NR3C2: variants seen among roughly 807,000 people sequenced by gnomAD.
NR3C2 encodes the protein nuclear receptor subfamily 3 group C member 2.
In NR3C2, 15 loss-of-function variants were observed where a neutral mutation model predicts 86.4. The ratio of observed to expected loss-of-function variants is 0.17; its 90% CI spans 0.12 to 0.27. The LOEUF (loss-of-function observed/expected upper bound fraction) is 0.27. Among genes scored for constraint, NR3C2 ranks in the 10% least tolerant of loss-of-function variants. The pLI is 1.00. For synonymous variants in NR3C2, 458 were observed against 450.5 expected (o/e 1.02, Z -0.21); for missense variants, 960 against 1,195.6 (o/e 0.80, Z 2.91).
chr4:148,371,220 T>G (rs755009614), intron 2 of NR3C2, among the ~76,000 whole-genome samples: 1 of 152,226 alleles, frequency 6.6e-6, no homozygotes, highest in Non-Finnish European at 1.5e-5. Flanking sequence ...TATTTTAATA[T>G]GTACAACTAT....
chr4:148,136,070 A>C (rs367874508), intron 6 of NR3C2, among the ~76,000 whole-genome samples: 37,724 of 133,270 alleles, frequency 0.28, 6,449 homozygotes, highest in East Asian at 0.62. Flanking sequence ...AAAAAAAAAA[A>C]AAAAAACAAA....
At chr4:148,315,903 G>C (rs1177757439) in intron 2 of NR3C2, among the ~76,000 whole-genome samples, 1 of 152,108 alleles carries the variant, frequency 6.6e-6, no homozygotes, top group Non-Finnish European at 1.5e-5. Flanking sequence ...ACAGTTTTGT[G>C]ATATATACTT....
intron 8 of NR3C2, among the ~76,000 whole-genome samples, chr4:148,088,057 AAG>A (rs1405729908): frequency 6.6e-6 from 1 of 152,264 alleles, no homozygotes; most frequent in Non-Finnish European, 1.5e-5. Context: ...AAAGGATATG[AAG>A]AGACTCTTCT....
intron 8 of NR3C2, among the ~76,000 whole-genome samples, chr4:148,093,149 C>T (rs1731133072): frequency 6.6e-6 from 1 of 152,240 alleles, no homozygotes; most frequent in Admixed American, 6.5e-5. Flanking sequence ...TGGGCCACAG[C>T]TGTCAGGGTG....
intron 6 of NR3C2, among the ~76,000 whole-genome samples, chr4:148,141,282 A>C (rs1465893730): frequency 1.3e-5 from 2 of 152,106 alleles, no homozygotes; most frequent in Non-Finnish European, 2.9e-5. Context: ...AAAATACAAA[A>C]AATTAGCTGG....
intron 2 of NR3C2, among the ~76,000 whole-genome samples, chr4:148,272,526 C>T (rs1019429512): frequency 2.0e-5 from 3 of 152,100 alleles, no homozygotes; most frequent in Admixed American, 6.5e-5. Flanking sequence ...CTAGTCTTTT[C>T]TTGCCTTCAG....
chr4:148,259,110 G>T (rs146430414), intron 3 of NR3C2, among the ~76,000 whole-genome samples: 2 of 152,312 alleles, frequency 1.3e-5, no homozygotes, highest in East Asian at 3.9e-4. Flanking sequence ...AGCCACTTAT[G>T]TTTAAGCTTC....
rs373334677 is a variant in NR3C2, at chr4:148,268,182, A to C, written c.1758-8065T>G. Among the ~76,000 whole-genome samples the C allele has an allele frequency of 4.6e-5, 7 of 152,092 alleles. No individual in the cohort carries two copies. In the South Asian group the frequency reaches 1.5e-3, roughly 32 times the overall value. ...TCTTGAACTCCTGACCTTGTGATCC[A>C]CCTGCCTTGGCCTCCCAAAGTGCTA... On this transcript the variant is annotated intron_variant, in intron 2 of 8. Coordinates refer to ENST00000358102, the MANE Select transcript of NR3C2 (RefSeq NM_000901.5).
intron 2 of NR3C2, among the ~76,000 whole-genome samples, chr4:148,385,599 T>C (rs927138655): frequency 6.6e-6 from 1 of 152,012 alleles, no homozygotes; most frequent in Non-Finnish European, 1.5e-5. Context: ...CTCCTTAGAA[T>C]GAAATACTAA....
chr4:148,338,821 T>A (rs1451253958), intron 2 of NR3C2, among the ~76,000 whole-genome samples: 9 of 152,182 alleles, frequency 5.9e-5, no homozygotes, highest in Admixed American at 5.9e-4. Context: ...GGAATTAATT[T>A]AATTAACAAT....
intron 6 of NR3C2, among the ~76,000 whole-genome samples, chr4:148,140,530 C>A (rs922546432): frequency 2.6e-5 from 4 of 151,456 alleles, no homozygotes; most frequent in African/African-American, 9.7e-5. Context: ...CACATCTCTA[C>A]AAAAGTTAAA....
intron 2 of NR3C2, among the ~76,000 whole-genome samples, chr4:148,395,456 C>G (rs976619097): frequency 1.3e-5 from 2 of 152,188 alleles, no homozygotes; most frequent in Admixed American, 6.5e-5. Flanking sequence ...ATAGTTACAA[C>G]TGTACCACAA....
chr4:148,379,895 T>A (rs1453267151), intron 2 of NR3C2, among the ~76,000 whole-genome samples: 2 of 151,968 alleles, frequency 1.3e-5, no homozygotes, highest in Admixed American at 1.3e-4. Context: ...TAATCCTCTA[T>A]CCCCACCTAA....
intron 2 of NR3C2, among the ~76,000 whole-genome samples, chr4:148,355,902 T>C (rs1745529394): frequency 6.6e-6 from 1 of 152,152 alleles, no homozygotes; most frequent in Admixed American, 6.5e-5. Flanking sequence ...TTACTTAACC[T>C]TTCTGGGCCT....
At position 148,155,669 on chromosome 4, in the gene NR3C2, G is replaced by C. The variant is rs902568764; in HGVS notation, c.2015-768C>G. 1.9e-3 allele frequency among the ~76,000 whole-genome samples: 293 copies of C among 151,112 alleles called. 2 individuals carry two copies. Among genetic ancestry groups the C allele is most frequent in the African/African-American group, 6.8e-3 (280 of 41,338 alleles). ...CATGGGTAGGAAGAATCAATATCGTGAAAATGGCCATATTGCCCAAGGTAA... is the reference window on the plus strand; with the variant it reads ...CATGGGTAGGAAGAATCAATATCGTCAAAATGGCCATATTGCCCAAGGTAA... On this transcript the variant is annotated intron_variant, in intron 4 of 8. Coordinates refer to ENST00000358102, the MANE Select transcript of NR3C2 (RefSeq NM_000901.5).
At chr4:148,270,124 C>T (rs1740604723) in intron 2 of NR3C2, among the ~76,000 whole-genome samples, 1 of 150,510 alleles carries the variant, frequency 6.6e-6, no homozygotes. Context: ...TGATGTAAAA[C>T]ATGCTTCATC....
intron 2 of NR3C2, among the ~76,000 whole-genome samples, chr4:148,278,866 T>TA (rs1012095262): frequency 1.6e-3 from 234 of 143,740 alleles, no homozygotes; most frequent in Middle Eastern, 3.5e-3. Context: ...TAACCACCCT[T>TA]AAAAAAAAAA....
rs766506287 is a variant in NR3C2, at chr4:148,436,235, C to T, written c.626G>A (p.Gly209Glu). The T allele has an allele frequency of 1.2e-6, 2 of 1,614,156 alleles. No individual in the cohort carries two copies. Among genetic ancestry groups the T allele is most frequent in the Middle Eastern group, 1.6e-4 (1 of 6,062 alleles). Residue 209 changes from glycine (G) to glutamate (E), a missense_variant, in exon 2 of 9, where the codon GGA (glycine) becomes GAA (glutamate). This residue lies in a region of NR3C2 where 680 missense variants were observed against 719.0 expected (regional missense o/e 0.95). Coordinates refer to ENST00000358102, the MANE Select transcript of NR3C2 (RefSeq NM_000901.5). The part of the protein sequence containing the change: ...NMTSSVCSPA[G>E]INSVSSTTAS... ...TGTGGTGGAGGACACAGAGTTGATT[C>T]CAGCAGGGCTGCAAACCGAAGATGT...
intron 3 of NR3C2, among the ~76,000 whole-genome samples, chr4:148,253,902 G>A (rs536525819): frequency 2.0e-5 from 3 of 152,136 alleles, no homozygotes; most frequent in African/African-American, 7.2e-5. Context: ...TAGGTATTGA[G>A]TAAATGTTTG....
Sources: allele counts gnomAD v4.1 joint callset (sites outside exome capture counted in the v4.1 genomes callset), GRCh38; gene constraint gnomAD v4.1.1; regional missense constraint gnomAD v4.1.1; transcripts MANE v1.5; gene names NCBI Gene and HGNC (gene_info 2026-07-23, HGNC 2026-07-21).